The following SIPA1L1 variants were observed in gnomAD, a reference collection of about 807,000 sequenced individuals.
SIPA1L1 encodes signal-induced proliferation-associated 1-like protein 1.
In SIPA1L1, 26 loss-of-function variants were observed where a neutral mutation model predicts 162.7. That is an observed-to-expected ratio of 0.16 (90% confidence interval 0.12 to 0.22). SIPA1L1 has a LOEUF of 0.22. Ranked by LOEUF, SIPA1L1 falls within the 10% of genes least tolerant of loss-of-function variation. The pLI is 1.00. For missense variants in SIPA1L1, 1,874 were observed against 2,241.0 expected, an observed-to-expected ratio of 0.84 and a Z score of 3.31; for synonymous variants, 829 against 837.4, an observed-to-expected ratio of 0.99 and a Z score of 0.17.
chr14:71,494,959 G>A (rs937987465), intron 2 of SIPA1L1, among the ~76,000 whole-genome samples: 2 of 152,116 alleles, frequency 1.3e-5, no homozygotes, highest in Non-Finnish European at 2.9e-5. Flanking sequence ...TTGAACTCTC[G>A]GGCTCAGTTG....
chr14:71,503,675 A>G (rs2050426495), intron 2 of SIPA1L1, among the ~76,000 whole-genome samples: 5 of 152,166 alleles, frequency 3.3e-5, no homozygotes, highest in Non-Finnish European at 1.5e-5. Flanking sequence ...ATATGTATGT[A>G]TATATTTATT....
chr14:71,611,678 GT>G (rs1219293076), intron 5 of SIPA1L1, among the ~76,000 whole-genome samples: 1 of 152,070 alleles, frequency 6.6e-6, no homozygotes, highest in East Asian at 1.9e-4. Flanking sequence ...TACTGTGTTA[GT>G]TTGCTGAGAA....
At chr14:71,564,250 C>A (rs1416968583) in intron 4 of SIPA1L1, among the ~76,000 whole-genome samples, 4 of 152,014 alleles carry the variant, frequency 2.6e-5, no homozygotes, top group Non-Finnish European at 1.5e-5. Context: ...TATCTGGCCT[C>A]ATTTTCCTTC....
chr14:71,591,141 C>T (rs1040285753), intron 5 of SIPA1L1, among the ~76,000 whole-genome samples: 1 of 151,960 alleles, frequency 6.6e-6, no homozygotes, highest in Admixed American at 6.6e-5. Flanking sequence ...TACTTTTTTC[C>T]TATTAGGCAG....
intron 2 of SIPA1L1, among the ~76,000 whole-genome samples, chr14:71,484,473 A>G (rs1342573903): frequency 6.6e-6 from 1 of 152,074 alleles, no homozygotes; most frequent in East Asian, 1.9e-4. Flanking sequence ...TATTAGCACT[A>G]ATTTTTCCAA....
intron 4 of SIPA1L1, among the ~76,000 whole-genome samples, chr14:71,563,937 G>A (rs898406432): frequency 3.9e-5 from 6 of 152,086 alleles, no homozygotes; most frequent in African/African-American, 1.4e-4. Flanking sequence ...TATTAGTTAT[G>A]TTTTTTTCTC....
At chr14:71,549,656 T>A (rs2055604288) in intron 4 of SIPA1L1, among the ~76,000 whole-genome samples, 1 of 152,170 alleles carries the variant, frequency 6.6e-6, no homozygotes. Context: ...GTCACTCTGG[T>A]AATTGTTCCT....
chr14:71,588,689 A>G lies in SIPA1L1; in HGVS notation c.817A>G (p.Arg273Gly), dbSNP rs781132878. 2.5e-6 allele frequency: 4 copies of G among 1,614,022 alleles called. No individual in the cohort carries two copies. In the Admixed American group the frequency reaches 6.7e-5, roughly 27 times the overall value. ...DGPISQRENL[R>G]LFKEREKPLK... ...GCCTATCTCACAGAGAGAGAACCTC[A>G]GGCTTTTTAAGGAAAGGGAAAAACC... Residue 273 changes from arginine (R) to glycine (G), a missense_variant, in exon 5 of 24, where the codon AGG becomes GGG. Transcript: ENST00000381232. The surrounding 1 kb of genome is among the most constrained non-coding windows in gnomAD (Gnocchi z 4.3).
rs554064456 is a variant in SIPA1L1, at chr14:71,624,012, C to G, written c.1630-36C>G. 3 of 1,545,034 alleles carry G rather than the reference C, an allele frequency of 1.9e-6. No homozygotes were observed. In the African/African-American group the frequency reaches 4.1e-5, roughly 21 times the overall value. On this transcript the variant is annotated intron_variant, in intron 6 of 23. Coordinates refer to ENST00000381232, the MANE Select transcript of SIPA1L1 (RefSeq NM_001386936.1). ...TACATGTGTTCAGGCATCTCACATC[C>G]CAGAAGCCTCACCACAGCACCTGTC... is the stretch of plus-strand genomic sequence containing the variant.
At chr14:71,432,958 TTGG>T (rs2044107789) in intron 2 of SIPA1L1, among the ~76,000 whole-genome samples, 2 of 152,142 alleles carry the variant, frequency 1.3e-5, no homozygotes, top group Admixed American at 1.3e-4. Flanking sequence ...AATGCATGTG[TTGG>T]TGTGTGTTTG....
chr14:71,479,148 G>A (rs1467862833), intron 2 of SIPA1L1, among the ~76,000 whole-genome samples: 1 of 152,072 alleles, frequency 6.6e-6, no homozygotes, highest in Non-Finnish European at 1.5e-5. Flanking sequence ...TGCCAGTTTG[G>A]TAGTACCTTG....
intron 14 of SIPA1L1, among the ~76,000 whole-genome samples, chr14:71,700,994 CAAAAAAAAAAAAAAAAAAAAAAAAAAAA>C (rs539293669): frequency 3.9e-5 from 2 of 51,736 alleles, no homozygotes; most frequent in South Asian, 1.0e-3. Flanking sequence ...GACTCCGTCT[CAAAAAAAAAAAAAAAAAAAAAAAAAAAA>C]AAAAAAAAAA....
rs190314324 is a variant in SIPA1L1 at position 71,683,674 on chromosome 14, T to C, written c.3105-1688T>C. ...AAATATCAGAATCAAAGCTTGAAAT[T>C]ATATCAGAGCCTAAAGTAGTATTCG... On this transcript the variant is annotated intron_variant, in intron 12 of 23. Coordinates refer to ENST00000381232, the MANE Select transcript of SIPA1L1 (RefSeq NM_001386936.1). 2.0e-5 allele frequency among the ~76,000 whole-genome samples: 3 copies of C among 152,346 alleles called. No homozygotes were observed. The East Asian group carries it at 5.8e-4, about 29-fold the overall frequency.
chr14:71,514,464 A>C (rs902945524), intron 3 of SIPA1L1, among the ~76,000 whole-genome samples: 1 of 152,116 alleles, frequency 6.6e-6, no homozygotes, highest in South Asian at 2.1e-4. Flanking sequence ...CCCATTGAGA[A>C]CTTATTAGGA....
At chr14:71,564,840 G>T (rs185553194) in intron 4 of SIPA1L1, among the ~76,000 whole-genome samples, 6 of 152,222 alleles carry the variant, frequency 3.9e-5, no homozygotes, top group Non-Finnish European at 7.4e-5. Flanking sequence ...GCTTAGTGTA[G>T]CTGTCAACTT....
chr14:71,590,013 T>C (rs2035065664), intron 5 of SIPA1L1, among the ~76,000 whole-genome samples: 1 of 109,874 alleles, frequency 9.1e-6, no homozygotes, highest in East Asian at 2.4e-4. Flanking sequence ...TTTCTTTGAG[T>C]GGGAGAGTAA....
chr14:71,334,598 T>C (rs1042648865), intron 2 of SIPA1L1, among the ~76,000 whole-genome samples: 13 of 152,196 alleles, frequency 8.5e-5, no homozygotes, highest in African/African-American at 2.9e-4. Flanking sequence ...GCCAAAGTAA[T>C]TTATTTAGGT....
At chr14:71,680,326 A>G (rs904535442) in intron 12 of SIPA1L1, among the ~76,000 whole-genome samples, 2 of 152,242 alleles carry the variant, frequency 1.3e-5, no homozygotes, top group African/African-American at 2.4e-5. Context: ...CTGAATGACT[A>G]CTGGGTTTAT....
In SIPA1L1 at chr14:71,614,288, C is replaced by A. The variant is rs1296282446; in HGVS notation, c.1499-4469C>A. Among the ~76,000 whole-genome samples the A allele has an allele frequency of 2.0e-5, 3 of 151,458 alleles. No individual in the cohort carries two copies. The South Asian group carries it at 6.3e-4, about 32-fold the overall frequency. On this transcript the variant is annotated intron_variant, in intron 5 of 23. Coordinates refer to ENST00000381232, the MANE Select transcript of SIPA1L1 (RefSeq NM_001386936.1). The stretch of plus-strand genomic sequence containing the variant: ...TTTGCTGAATGAAATGCTCCTGTAC[C>A]AGAGGGTTAAATTTAAATAGTACAT...
Sources: allele counts gnomAD v4.1 joint callset (sites outside exome capture counted in the v4.1 genomes callset), GRCh38; gene constraint gnomAD v4.1.1; non-coding constraint Gnocchi (gnomAD v3.1); transcripts MANE v1.5; gene names NCBI Gene and HGNC (gene_info 2026-07-23, HGNC 2026-07-21).